FYB2: variants seen among roughly 807,000 people sequenced by gnomAD.
The protein encoded by FYB2 is FYN binding protein 2.
A neutral mutation model predicts 94.1 loss-of-function variants in FYB2; 103 were observed. That is an observed-to-expected ratio of 1.09 (90% CI 0.93 to 1.29). FYB2 has a LOEUF of 1.29. FYB2 is among the 50% of genes most tolerant of loss of function. FYB2 has a pLI of 0.00. For synonymous variants in FYB2, 293 were observed against 287.9 expected (o/e 1.02, Z -0.18); for missense variants, 896 against 841.5 (o/e 1.06, Z -0.80).
chr1:56,768,181 G>A (rs1645671647), intron 4 of FYB2, among the ~76,000 whole-genome samples: 4 of 152,122 alleles, frequency 2.6e-5, no homozygotes, highest in Admixed American at 2.6e-4. Context: ...AAATCCCCAG[G>A]TGCCAGACAT....
intron 1 of FYB2, among the ~76,000 whole-genome samples, chr1:56,794,151 C>T (rs1470767114): frequency 6.6e-6 from 1 of 152,158 alleles, no homozygotes; most frequent in Non-Finnish European, 1.5e-5. Context: ...CTAAATTCAG[C>T]TCCAATTTGG....
At chr1:56,749,940 C>T (rs959046287) in intron 9 of FYB2, among the ~76,000 whole-genome samples, 1 of 151,978 alleles carries the variant, frequency 6.6e-6, no homozygotes, top group Non-Finnish European at 1.5e-5. Flanking sequence ...TTATTCTTCA[C>T]TTTGTTTTAG....
intron 5 of FYB2, among the ~76,000 whole-genome samples, chr1:56,761,724 A>G (rs1180200295): frequency 6.6e-6 from 1 of 152,084 alleles, no homozygotes; most frequent in African/African-American, 2.4e-5. Flanking sequence ...GGCCTTGTTC[A>G]AGGGACAGTC....
At chr1:56,818,603 T>C (rs1646940987) in intron 1 of FYB2, among the ~76,000 whole-genome samples, 1 of 151,974 alleles carries the variant, frequency 6.6e-6, no homozygotes, top group Non-Finnish European at 1.5e-5. Flanking sequence ...AGGCAAGACG[T>C]CTCCAACTGT....
At chr1:56,759,892 C>A (rs1645446999) in intron 5 of FYB2, among the ~76,000 whole-genome samples, 2 of 151,952 alleles carry the variant, frequency 1.3e-5, no homozygotes, top group Non-Finnish European at 2.9e-5. Flanking sequence ...ACCAGCCTGG[C>A]CAAGAGAGTG....
chr1:56,753,294 T>C (rs146973602), intron 8 of FYB2, among the ~76,000 whole-genome samples: 2 of 152,214 alleles, frequency 1.3e-5, no homozygotes, highest in East Asian at 3.9e-4. Flanking sequence ...ATTCACCATA[T>C]TTAATATTAA....
intron 5 of FYB2, among the ~76,000 whole-genome samples, chr1:56,759,671 C>G (rs1467081002): frequency 6.6e-6 from 1 of 152,120 alleles, no homozygotes; most frequent in Admixed American, 6.5e-5. Flanking sequence ...TCTGCCACTC[C>G]TACATAGGGT....
rs1263434810 is a variant in FYB2 at position 56,718,824 on chromosome 1, C to A, written c.*847G>T. The A allele has an allele frequency of 2.0e-5, 3 of 152,546 alleles. No individual in the cohort carries two copies. Among genetic ancestry groups the A allele is most frequent in the African/African-American group, 7.2e-5 (3 of 41,428 alleles). 9.4% of individuals were successfully genotyped at this position (152,546 alleles called of 1,614,324 possible). A position where few individuals can be genotyped will look rare whatever the true frequency, so the allele number is the denominator to read the frequency against. On this transcript the variant is annotated 3_prime_UTR_variant, in exon 20 of 20. Transcript: ENST00000343433. ...TTAAATGCATATGTAGAATTTATTT[C>A]TCTTATTGACATGCAGTGCACCTCA...
chr1:56,808,018 G>T (rs1477107010), intron 1 of FYB2, among the ~76,000 whole-genome samples: 2 of 152,134 alleles, frequency 1.3e-5, no homozygotes, highest in South Asian at 2.1e-4. Flanking sequence ...TATTACTGGT[G>T]TTGTCAAAGT....
At chr1:56,761,870 A>G (rs1370115696) in intron 5 of FYB2, 1 of 152,186 alleles carries the variant, frequency 6.6e-6, no homozygotes, top group African/African-American at 2.4e-5. Context: ...TACAAAAAAC[A>G]AAGAGGAAAC....
At chr1:56,766,555 T>G (rs1459972140) in intron 5 of FYB2, among the ~76,000 whole-genome samples, 1 of 152,036 alleles carries the variant, frequency 6.6e-6, no homozygotes, top group African/African-American at 2.4e-5. Context: ...TGCCTCAGCC[T>G]CCCGAGTAGC....
intron 2 of FYB2, among the ~76,000 whole-genome samples, chr1:56,790,981 G>T (rs1167631007): frequency 3.3e-5 from 5 of 152,186 alleles, no homozygotes; most frequent in Admixed American, 6.5e-5. Flanking sequence ...AAGAAATCTA[G>T]TGTGTTGACT....
chr1:56,810,330 C>T (rs1019009632), intron 1 of FYB2, among the ~76,000 whole-genome samples: 3 of 152,050 alleles, frequency 2.0e-5, no homozygotes, highest in Non-Finnish European at 4.4e-5. Flanking sequence ...GTTTTCACTC[C>T]AGTCTGTACC....
chr1:56,819,482 C>T (rs1330291220), upstream of FYB2: 26 of 735,392 alleles, frequency 3.5e-5, no homozygotes, highest in Non-Finnish European at 5.7e-5. Flanking sequence ...TGGGCCAGGG[C>T]CGGCCGCCAT....
chr1:56,824,620 T>G (rs1204033108), upstream of FYB2: 2 of 152,274 alleles, frequency 1.3e-5, no homozygotes, highest in African/African-American at 2.4e-5. Flanking sequence ...AAGGCAGGTA[T>G]GTGCACATCC....
rs12567427 is a variant in FYB2, at chr1:56,801,431, C to T, written c.10-8628G>A. Among the ~76,000 whole-genome samples the T allele has an allele frequency of 7.6e-3, 1,157 of 152,158 alleles. 67 individuals are homozygous for T. The East Asian group carries it at 0.14, about 18-fold the overall frequency. Reference sequence around the variant, plus strand: ...TTTTATTTATTAAAGATTTAAGCACCCAGCTCACTCCTCTCTATTACTACT... The same window carrying T: ...TTTTATTTATTAAAGATTTAAGCACTCAGCTCACTCCTCTCTATTACTACT... On this transcript the variant is annotated intron_variant, in intron 1 of 19. Transcript: ENST00000343433.
chr1:56,774,066 A>AATTC (rs1357015798), intron 4 of FYB2, among the ~76,000 whole-genome samples: 3 of 152,164 alleles, frequency 2.0e-5, no homozygotes, highest in Non-Finnish European at 2.9e-5. Context: ...TGGATCTCAA[A>AATTC]ATTCATTTGT....
chr1:56,738,695 C>A (rs761555647), intron 13 of FYB2, 42 bp from the exon 14 acceptor site: 8 of 1,594,388 alleles, frequency 5.0e-6, no homozygotes, highest in South Asian at 1.1e-5. Flanking sequence ...AGGAAAAAAA[C>A]CATGTTTGGA....
intron 4 of FYB2, among the ~76,000 whole-genome samples, chr1:56,782,479 G>A (rs895352168): frequency 1.1e-4 from 16 of 151,988 alleles, no homozygotes; most frequent in Admixed American, 3.3e-4. Context: ...TGCCTGACAC[G>A]GGTCCTAGAG....
Sources: gnomAD v4.1 joint callset for allele counts (sites outside exome capture counted in the v4.1 genomes callset) on GRCh38, gnomAD v4.1.1 for gene constraint, MANE v1.5 for transcripts, NCBI Gene and HGNC (gene_info 2026-07-23, HGNC 2026-07-21) for gene names.